Variants in LEPR observed in about 807,000 individuals in gnomAD.
LEPR encodes leptin receptor, also known as OB receptor.
LEPR carries 56 observed loss-of-function variants against 114.7 expected under a neutral mutation model. The observed-to-expected ratio is 0.49, with a 90% CI of 0.39 to 0.61. The LOEUF is 0.61. Ranked by LOEUF, LEPR falls within the 20% of genes least tolerant of loss-of-function variation. The pLI is 0.00. For missense variants in LEPR, 1,202 were observed against 1,352.9 expected (o/e 0.89, Z 1.75); for synonymous variants, 443 against 461.4 (o/e 0.96, Z 0.51).
At chr1:65,432,366 C>T (rs944456242) in intron 2 of LEPR, 1 of 965,614 alleles carries the variant, frequency 1.0e-6, no homozygotes, top group African/African-American at 1.8e-5. Context: ...AGAGCCTCAA[C>T]ATTTCCTAGA....
At chr1:65,613,904 A>G (rs1326637139) in intron 14 of LEPR, among the ~76,000 whole-genome samples, 2 of 150,570 alleles carry the variant, frequency 1.3e-5, no homozygotes, top group East Asian at 4.1e-4. Context: ...ACCACTCCAC[A>G]TCTATTAGAA....
At chr1:65,463,351 C>G (rs938823539) in intron 2 of LEPR, among the ~76,000 whole-genome samples, 1 of 152,182 alleles carries the variant, frequency 6.6e-6, no homozygotes, top group Non-Finnish European at 1.5e-5. Flanking sequence ...GGTATTATTT[C>G]TGAGGCCTCT....
chr1:65,601,666 T>C lies in LEPR; in HGVS notation c.1269T>C (p.Ala423=). The C allele has an allele frequency of 6.2e-7, 1 of 1,613,686 alleles. No homozygotes were observed. The highest frequency in any genetic ancestry group is 8.5e-7 in the Non-Finnish European group (1 of 1,179,708). ...CNEHECHHRY[A]ELYVIDVNIN... ...AACATGAATGCCATCATCGCTATGC[T>C]GAATTATATGTGATTGGTAAGAAAA... The change falls in exon 9 of 20, where the codon GCT becomes GCC. Residue 423 remains alanine (A), a synonymous_variant. Coordinates refer to ENST00000349533, the MANE Select transcript of LEPR (RefSeq NM_002303.6).
At chr1:65,580,535 ACAGATACT>A (rs1654909470) in intron 5 of LEPR, among the ~76,000 whole-genome samples, 1 of 152,234 alleles carries the variant, frequency 6.6e-6, no homozygotes, top group African/African-American at 2.4e-5. Flanking sequence ...AGTCTGAAGG[ACAGATACT>A]CTAGAAATGT....
At chr1:65,431,847 C>CATTTTCCTTACAATTCAAGGG (rs1304352003) in intron 2 of LEPR, 7 of 1,614,010 alleles carry the variant, frequency 4.3e-6, no homozygotes, top group Non-Finnish European at 5.9e-6. Context: ...GCAATGCAGT[C>CATTTTCCTTACAATTCAAGGG]ATTTTCCTTA....
intron 2 of LEPR, among the ~76,000 whole-genome samples, chr1:65,462,747 C>T (rs985541862): frequency 1.3e-5 from 2 of 152,160 alleles, no homozygotes; most frequent in African/African-American, 4.8e-5. Flanking sequence ...CTCTGATGAC[C>T]AGTGATGATG....
intron 2 of LEPR, among the ~76,000 whole-genome samples, chr1:65,443,976 CTCT>C (rs1570459181): frequency 3.6e-5 from 1 of 27,424 alleles, no homozygotes; most frequent in East Asian, 3.1e-4. Context: ...TTTTTTTATA[CTCT>C]AAGTTTTAGG....
At chr1:65,439,955 C>T (rs1183962234) in intron 2 of LEPR, among the ~76,000 whole-genome samples, 2 of 134,392 alleles carry the variant, frequency 1.5e-5, no homozygotes, top group East Asian at 2.1e-4. Context: ...GAGCCAAGAT[C>T]GCACCACTGC....
At chr1:65,439,209 A>G (rs1646613113) in intron 2 of LEPR, among the ~76,000 whole-genome samples, 1 of 152,216 alleles carries the variant, frequency 6.6e-6, no homozygotes, top group Admixed American at 6.5e-5. Context: ...AACATGATTT[A>G]TAGATTGAAA....
At chr1:65,479,755 T>C (rs1489285225) in intron 2 of LEPR, among the ~76,000 whole-genome samples, 3 of 152,092 alleles carry the variant, frequency 2.0e-5, no homozygotes, top group Non-Finnish European at 4.4e-5. Flanking sequence ...CCACAAATCC[T>C]CCAAAACAAC....
Position 65,430,037 on chromosome 1 carries a change from C to G in LEPR, c.-21+4659C>G, listed in dbSNP as rs746314508. On this transcript the variant is annotated intron_variant, in intron 2 of 19. Transcript: ENST00000349533. ...CTTTGGATTTCCTGTTATTCTTGCTCGTGTGGCTGTGGTAAGTTTTATTTT... is the reference window on the plus strand; with the variant it reads ...CTTTGGATTTCCTGTTATTCTTGCTGGTGTGGCTGTGGTAAGTTTTATTTT... 4 of 1,556,434 alleles carry G rather than the reference C, an allele frequency of 2.6e-6. No homozygotes were observed. In the Admixed American group the frequency reaches 6.8e-5, roughly 27 times the overall value.
intron 2 of LEPR, among the ~76,000 whole-genome samples, chr1:65,554,910 A>G (rs759383872): frequency 6.6e-6 from 1 of 152,180 alleles, no homozygotes; most frequent in Admixed American, 6.5e-5. Flanking sequence ...TATCTGGGCC[A>G]GAGTGCACTG....
chr1:65,456,263 G>T (rs1646874729), intron 2 of LEPR, among the ~76,000 whole-genome samples: 3 of 152,166 alleles, frequency 2.0e-5, no homozygotes, highest in Middle Eastern at 3.4e-3. Context: ...CACGCTGGGA[G>T]CTGTAGACCA....
intron 2 of LEPR, chr1:65,433,954 A>G (rs1299868966): frequency 4.1e-6 from 4 of 985,028 alleles, no homozygotes; most frequent in Non-Finnish European, 4.8e-6. Flanking sequence ...ACCATCTTGA[A>G]TGTCTAGTTG....
chr1:65,586,846 A>C (rs74084059), intron 5 of LEPR, among the ~76,000 whole-genome samples: 2,601 of 152,174 alleles, frequency 0.017, 83 homozygotes, highest in African/African-American at 0.058. Flanking sequence ...ACTATAATGC[A>C]TATTTTATAA....
In LEPR at chr1:65,572,290, G is replaced by GTTT. The variant is rs747467075; in HGVS notation, c.371-11_371-9dup. 7.3e-3 allele frequency: 5,815 copies of GTTT among 797,340 alleles called. 23 individuals are homozygous for GTTT. The highest frequency in any genetic ancestry group is 0.018 in the African/African-American group (611 of 33,718). 49.4% of individuals were successfully genotyped at this position (797,340 alleles called of 1,614,324 possible). ...ATGGTTTTTGAGATTTCATGTAGTT[G>GTTT]TTTTTTTTTTTTTTTTTTTTTTTTT... On this transcript the variant is annotated intron_variant, in intron 4 of 19. Coordinates refer to ENST00000349533, the MANE Select transcript of LEPR (RefSeq NM_002303.6).
intron 2 of LEPR, among the ~76,000 whole-genome samples, chr1:65,452,187 A>G (rs563813047): frequency 6.6e-5 from 10 of 152,172 alleles, no homozygotes; most frequent in African/African-American, 1.9e-4. Context: ...GGCTGAGACA[A>G]TGGGGTTTTC....
intron 2 of LEPR, among the ~76,000 whole-genome samples, chr1:65,436,948 A>G (rs896308831): frequency 9.9e-5 from 15 of 152,202 alleles, no homozygotes; most frequent in Non-Finnish European, 2.1e-4. Flanking sequence ...GAGACAAATT[A>G]TATCACCACA....
intron 14 of LEPR, among the ~76,000 whole-genome samples, chr1:65,611,731 G>A (rs1206335858): frequency 1.3e-5 from 2 of 152,158 alleles, no homozygotes; most frequent in Non-Finnish European, 1.5e-5. Flanking sequence ...GCCAATAGAA[G>A]TTTCTGTAAT....
Sources: gnomAD v4.1 joint callset for allele counts (sites outside exome capture counted in the v4.1 genomes callset) on GRCh38, gnomAD v4.1.1 for gene constraint, MANE v1.5 for transcripts, NCBI Gene and HGNC (gene_info 2026-07-23, HGNC 2026-07-21) for gene names.